Variants in DSCAM observed in about 807,000 individuals in gnomAD.
DSCAM encodes the protein DS cell adhesion molecule, also known as cell adhesion molecule DSCAM.
A neutral mutation model predicts 217.7 loss-of-function variants in DSCAM; 47 were observed. The ratio of observed to expected loss-of-function variants is 0.22; its 90% CI spans 0.17 to 0.28. The LOEUF is 0.28. Among genes scored for constraint, DSCAM ranks in the 10% least tolerant of loss-of-function variants. The pLI is 1.00. For missense variants in DSCAM, 2,080 were observed against 2,618.3 expected (o/e 0.79, Z 4.49); for synonymous variants, 1,056 against 1,015.3 (o/e 1.04, Z -0.76).
chr21:40,679,287 A>G (rs945352944), intron 3 of DSCAM, among the ~76,000 whole-genome samples: 1 of 152,246 alleles, frequency 6.6e-6, no homozygotes, highest in African/African-American at 2.4e-5. Flanking sequence ...TTAAGCTTCT[A>G]CTATGTGTCT....
At chr21:40,843,986 AG>A (rs972545793) in intron 1 of DSCAM, among the ~76,000 whole-genome samples, 8 of 151,992 alleles carry the variant, frequency 5.3e-5, no homozygotes, top group African/African-American at 1.9e-4. Flanking sequence ...GAAAAAAAAA[AG>A]TTATCATGTC....
At chr21:40,443,407 A>G (rs1470822180) in intron 3 of DSCAM, among the ~76,000 whole-genome samples, 2 of 152,292 alleles carry the variant, frequency 1.3e-5, no homozygotes, top group Non-Finnish European at 2.9e-5. Context: ...ATTAAAGAGA[A>G]TGTTCATATG....
chr21:40,536,288 C>T (rs1010967288), intron 3 of DSCAM, among the ~76,000 whole-genome samples: 2 of 152,086 alleles, frequency 1.3e-5, no homozygotes, highest in Non-Finnish European at 2.9e-5. Context: ...CAGAATATGA[C>T]CTTATATTTA....
intron 8 of DSCAM, among the ~76,000 whole-genome samples, chr21:40,336,791 A>G (rs1268070147): frequency 1.3e-5 from 2 of 152,216 alleles, no homozygotes; most frequent in African/African-American, 4.8e-5. Context: ...AAGAGAGTCA[A>G]TGAAGGAAAG....
intron 3 of DSCAM, among the ~76,000 whole-genome samples, chr21:40,587,502 G>A (rs943765540): frequency 2.6e-5 from 4 of 152,190 alleles, no homozygotes; most frequent in African/African-American, 9.7e-5. Context: ...AAGTGGGAAT[G>A]CATAGTCTTT....
chr21:40,540,989 T>C (rs563446938), intron 3 of DSCAM, among the ~76,000 whole-genome samples: 52 of 152,118 alleles, frequency 3.4e-4, no homozygotes, highest in Non-Finnish European at 6.6e-4. Context: ...TTCATCCTTC[T>C]GAGTAGCTGG....
intron 3 of DSCAM, among the ~76,000 whole-genome samples, chr21:40,477,438 C>T (rs2075946870): frequency 6.6e-6 from 1 of 152,104 alleles, no homozygotes; most frequent in Admixed American, 6.5e-5. Flanking sequence ...TAGAAATTTG[C>T]AATTTCTCAG....
At chr21:40,173,109 C>A (rs570650224) in intron 15 of DSCAM, among the ~76,000 whole-genome samples, 4 of 152,212 alleles carry the variant, frequency 2.6e-5, no homozygotes, top group Non-Finnish European at 4.4e-5. Flanking sequence ...AGTGAGTGAG[C>A]AGAACAAGCA....
chr21:40,394,872 TACAG>T lies in DSCAM; in HGVS notation c.509-25631_509-25628del, dbSNP rs1196713776. On this transcript the variant is annotated intron_variant, in intron 3 of 32. Transcript: ENST00000400454. ...GTACTAAGAGAGATTAGGATAGAAATACAGACAGTCTTAGATGGCAGAGGGGTTT... is the reference window on the plus strand; with the variant it reads ...GTACTAAGAGAGATTAGGATAGAAATACAGTCTTAGATGGCAGAGGGGTTT... Among the ~76,000 whole-genome samples the T allele has an allele frequency of 9.2e-5, 14 of 152,274 alleles. 2 individuals are homozygous for T. The highest frequency in any genetic ancestry group is 3.4e-3 in the Middle Eastern group (1 of 292).
At chr21:40,497,765 G>T (rs914526581) in intron 3 of DSCAM, among the ~76,000 whole-genome samples, 2 of 152,146 alleles carry the variant, frequency 1.3e-5, no homozygotes, top group African/African-American at 4.8e-5. Context: ...CAAATAAATT[G>T]TTTAAAAAAT....
intron 1 of DSCAM, among the ~76,000 whole-genome samples, chr21:40,778,309 T>C (rs1220960720): frequency 6.6e-6 from 1 of 152,012 alleles, no homozygotes; most frequent in Non-Finnish European, 1.5e-5. Flanking sequence ...AAAATAAATA[T>C]ATAGAAGTAG....
intron 3 of DSCAM, among the ~76,000 whole-genome samples, chr21:40,552,414 C>G (rs184563210): frequency 2.6e-4 from 40 of 152,324 alleles, no homozygotes; most frequent in Non-Finnish European, 2.9e-4. Flanking sequence ...CTTTAGCACA[C>G]TGCATTTCTC....
chr21:40,806,661 G>A (rs1231018896), intron 1 of DSCAM, among the ~76,000 whole-genome samples: 9 of 152,246 alleles, frequency 5.9e-5, no homozygotes, highest in South Asian at 2.1e-4. Context: ...TAGTGTTTCC[G>A]TATGTTTATT....
chr21:40,178,834 G>T, intron 15 of DSCAM, 93 bp downstream of exon 15: 3 of 1,514,382 alleles, frequency 2.0e-6, no homozygotes, highest in South Asian at 1.2e-5. Context: ...CGCCTAGCAC[G>T]GGCAAAGGTC....
intron 3 of DSCAM, among the ~76,000 whole-genome samples, chr21:40,518,527 T>G (rs1180244798): frequency 2.4e-5 from 1 of 40,876 alleles, no homozygotes; most frequent in African/African-American, 1.9e-4. Flanking sequence ...TAATATATAT[T>G]TTATATATAT....
intron 5 of DSCAM, among the ~76,000 whole-genome samples, 180 bp from the exon 6 acceptor site, chr21:40,348,125 C>A (rs1445960095): frequency 3.9e-5 from 6 of 152,162 alleles, no homozygotes; most frequent in Non-Finnish European, 7.3e-5. Flanking sequence ...TTATTGCAAT[C>A]ATACTCCACA....
At chr21:40,605,380 T>A (rs73368925) in intron 3 of DSCAM, among the ~76,000 whole-genome samples, 5,239 of 152,260 alleles carry the variant, frequency 0.034, 248 homozygotes, top group African/African-American at 0.1. Context: ...TCTGTTCAGC[T>A]TTTTTTCATG....
chr21:40,079,073 G>T, intron 25 of DSCAM, 96 bp from the exon 26 acceptor site: 2 of 1,418,144 alleles, frequency 1.4e-6, no homozygotes, highest in Non-Finnish European at 1.9e-6. Context: ...CTCCAGCGAG[G>T]CCAGGAGCTC....
At chr21:40,542,062 A>G (rs998686672) in intron 3 of DSCAM, among the ~76,000 whole-genome samples, 20 of 152,236 alleles carry the variant, frequency 1.3e-4, no homozygotes, top group African/African-American at 4.6e-4. Context: ...AGTTTTAACA[A>G]AAGAAACTTG....
Sources: gnomAD v4.1 joint callset for allele counts (sites outside exome capture counted in the v4.1 genomes callset) on GRCh38, gnomAD v4.1.1 for gene constraint, MANE v1.5 for transcripts, NCBI Gene and HGNC (gene_info 2026-07-23, HGNC 2026-07-21) for gene names.